NCAM1: variants seen among roughly 807,000 people sequenced by gnomAD.
NCAM1 encodes the protein neural cell adhesion molecule 1, also known as antigen recognized by monoclonal antibody 5.1H11.
A neutral mutation model predicts 109.8 loss-of-function variants in NCAM1; 14 were observed. That is an observed-to-expected ratio of 0.13 (90% CI 0.08 to 0.20). NCAM1 has a LOEUF of 0.20. Among genes scored for constraint, NCAM1 ranks in the 10% least tolerant of loss-of-function variants. NCAM1 has a pLI of 1.00. For missense variants in NCAM1, 774 were observed against 1,109.9 expected (o/e 0.70, Z 4.30); for synonymous variants, 418 against 442.9 (o/e 0.94, Z 0.70).
chr11:113,201,523 G>A (rs1182483238), intron 1 of NCAM1, among the ~76,000 whole-genome samples: 5 of 152,176 alleles, frequency 3.3e-5, no homozygotes, highest in African/African-American at 7.2e-5. Flanking sequence ...TTTCCACCTC[G>A]AAACTCTATT....
intron 8 of NCAM1, among the ~76,000 whole-genome samples, chr11:113,218,889 G>A (rs1555114800): frequency 6.6e-6 from 1 of 152,194 alleles, no homozygotes; most frequent in African/African-American, 2.4e-5. Flanking sequence ...TGATACCTCA[G>A]AAAGCTTCTG....
At chr11:113,043,225 T>C (rs570002588) in intron 1 of NCAM1, among the ~76,000 whole-genome samples, 2 of 152,292 alleles carry the variant, frequency 1.3e-5, no homozygotes, top group South Asian at 4.1e-4. Context: ...ATGAAGGATT[T>C]CAAATAGAGG....
chr11:113,204,672 C>T (rs1233159145), intron 3 of NCAM1, among the ~76,000 whole-genome samples, 168 bp downstream of exon 3: 1 of 152,178 alleles, frequency 6.6e-6, no homozygotes, highest in African/African-American at 2.4e-5. Flanking sequence ...ACTCACAACC[C>T]TGGTTCACAC....
intron 1 of NCAM1, among the ~76,000 whole-genome samples, chr11:112,998,200 T>C (rs1318374776): frequency 6.6e-6 from 1 of 152,146 alleles, no homozygotes; most frequent in Non-Finnish European, 1.5e-5. Context: ...TTCAGGCACT[T>C]TTTTGGTGCC....
chr11:113,100,489 C>G (rs7110066), intron 1 of NCAM1, among the ~76,000 whole-genome samples: 11,077 of 152,062 alleles, frequency 0.073, 767 homozygotes, highest in Admixed American at 0.17. Context: ...AGGTCACGTG[C>G]ACTTGAAGGA....
chr11:113,167,868 T>C (rs1345699557), intron 1 of NCAM1, among the ~76,000 whole-genome samples: 1 of 152,186 alleles, frequency 6.6e-6, no homozygotes, highest in Non-Finnish European at 1.5e-5. Flanking sequence ...AGATGGCGGT[T>C]GGGCAGGGTG....
rs781890897 is a variant in NCAM1 at position 112,961,509 on chromosome 11, G to C, written c.-104G>C. ...AATAATCATACTCAGCCTGGCAATT[G>C]TCTGCCCCTAGGTCTGTCGCTCAGC... On this transcript the variant is annotated 5_prime_UTR_variant, in exon 1 of 20. Coordinates refer to ENST00000316851, the MANE Select transcript of NCAM1 (RefSeq NM_181351.5). 1.2e-6 allele frequency: 1 copy of C among 818,906 alleles called. No individual in the cohort carries two copies. Among genetic ancestry groups the C allele is most frequent in the Non-Finnish European group, 2.2e-6 (1 of 453,826 alleles). The allele number at this position is 818,906 out of a possible 1,614,324, so 50.7% of individuals were successfully genotyped here. A position where few individuals can be genotyped will look rare whatever the true frequency, so the allele number is the denominator to read the frequency against.
At chr11:113,254,576 G>A (rs1254216669) in intron 15 of NCAM1, among the ~76,000 whole-genome samples, 1 of 152,186 alleles carries the variant, frequency 6.6e-6, no homozygotes, top group Non-Finnish European at 1.5e-5. Flanking sequence ...AAAGGAAGGT[G>A]GTTCCCAGAG....
chr11:113,000,998 G>A (rs1360739487), intron 1 of NCAM1, among the ~76,000 whole-genome samples: 1 of 152,014 alleles, frequency 6.6e-6, no homozygotes, highest in Non-Finnish European at 1.5e-5. Context: ...TGTCTTCAAT[G>A]TAAATTTGAA....
In NCAM1 at chr11:113,278,298, A is replaced by AAAC. The variant is rs1359016185; in HGVS notation, c.*2912_*2914dup. ...TTCGGGGGCCTTCTCTCTTGTTATA[A>AAAC]AACTTTTTACCAAGTGAAACATCGA... On this transcript the variant is annotated 3_prime_UTR_variant, in exon 20 of 20. Coordinates refer to ENST00000316851, the MANE Select transcript of NCAM1 (RefSeq NM_181351.5). 6.6e-6 allele frequency: 1 copy of AAAC among 152,228 alleles called. No homozygotes were observed. The highest frequency in any genetic ancestry group is 1.5e-5 in the Non-Finnish European group (1 of 68,050). The allele number at this position is 152,228 out of a possible 1,614,324, so 9.4% of individuals were successfully genotyped here.
intron 1 of NCAM1, among the ~76,000 whole-genome samples, chr11:113,066,796 C>T (rs571691789): frequency 6.6e-6 from 1 of 151,834 alleles, no homozygotes; most frequent in Non-Finnish European, 1.5e-5. Context: ...GTCAGGAGAT[C>T]GAGACCATCC....
intron 14 of NCAM1, chr11:113,236,324 C>G: frequency 6.2e-7 from 1 of 1,612,214 alleles, no homozygotes; most frequent in Non-Finnish European, 8.5e-7. Flanking sequence ...ACGTAAGTGC[C>G]TCTTCATACC....
chr11:113,099,543 A>T (rs1319405031), intron 1 of NCAM1, among the ~76,000 whole-genome samples: 16 of 152,214 alleles, frequency 1.1e-4, no homozygotes, highest in African/African-American at 3.9e-4. Context: ...ACAACAAACA[A>T]ACCAGAAGCA....
rs945850399 is a variant in NCAM1, at chr11:113,256,249, G to C, written c.1953+248G>C. Among the ~76,000 whole-genome samples, 4 of 152,124 alleles carry C rather than the reference G, an allele frequency of 2.6e-5. No individual in the cohort carries two copies. The East Asian group carries it at 5.8e-4, about 22-fold the overall frequency. On this transcript the variant is annotated intron_variant, in intron 16 of 19. Transcript: ENST00000316851. ...TGTGGTGGTGACAAACCCATACCAT[G>C]GTTGATTTTTCTGTGTCTTGAACTT...
chr11:113,263,037 C>A (rs1946052598), intron 17 of NCAM1: 1 of 1,506,300 alleles, frequency 6.6e-7, no homozygotes, highest in Non-Finnish European at 8.9e-7. Context: ...TGCTGAGCAA[C>A]CATTCTGTGT....
At chr11:113,064,340 T>C (rs529642544) in intron 1 of NCAM1, among the ~76,000 whole-genome samples, 3 of 152,350 alleles carry the variant, frequency 2.0e-5, no homozygotes, top group African/African-American at 7.2e-5. Context: ...AGTAAAATTA[T>C]GACTGCTTAA....
intron 1 of NCAM1, among the ~76,000 whole-genome samples, chr11:113,068,185 A>T (rs1938068112): frequency 6.6e-6 from 1 of 152,118 alleles, no homozygotes; most frequent in Non-Finnish European, 1.5e-5. Flanking sequence ...TGCTGGGATT[A>T]CAAGCATGAG....
rs1475317217 is a variant in NCAM1 at position 113,175,195 on chromosome 11, T to TAA, written c.53-27183_53-27182dup. On this transcript the variant is annotated intron_variant, in intron 1 of 19. Transcript: ENST00000316851. ...TTGTCAAAAGGTTGACTGAGGTCTC[T>TAA]AATGCAACACGAGGAGTTGATGGAA... 2.0e-5 allele frequency among the ~76,000 whole-genome samples: 3 copies of TAA among 152,262 alleles called. No homozygotes were observed. In the East Asian group the frequency reaches 5.8e-4, roughly 29 times the overall value.
rs142622758 is a variant in NCAM1, at chr11:113,104,664, C to A, written c.53-97715C>A. On this transcript the variant is annotated intron_variant, in intron 1 of 19. Coordinates refer to ENST00000316851, the MANE Select transcript of NCAM1 (RefSeq NM_181351.5). ...AGCAAACCACCTCTGGTAATTTGAA[C>A]GATGCAAAACATTTTTTTGTCCTAC... Among the ~76,000 whole-genome samples, 58 of 152,176 alleles carry A rather than the reference C, an allele frequency of 3.8e-4. 1 individual carries two copies. Among genetic ancestry groups the A allele is most frequent in the African/African-American group, 1.3e-3 (55 of 41,528 alleles).
Sources: allele counts gnomAD v4.1 joint callset (sites outside exome capture counted in the v4.1 genomes callset), GRCh38; gene constraint gnomAD v4.1.1; transcripts MANE v1.5; gene names NCBI Gene and HGNC (gene_info 2026-07-23, HGNC 2026-07-21).